FHIT: variants seen among roughly 807,000 people sequenced by gnomAD.
FHIT encodes fragile histidine triad diadenosine triphosphatase.
FHIT carries 19 observed loss-of-function variants against 17.9 expected under a neutral mutation model. The observed-to-expected ratio is 1.06, with a 90% CI of 0.74 to 1.56. The LOEUF (loss-of-function observed/expected upper bound fraction) is 1.56. Among genes scored for constraint, FHIT ranks in the 40% most tolerant of loss-of-function variants. The pLI, the probability that FHIT is intolerant of heterozygous loss-of-function variation, is 0.00. For missense variants in FHIT, 248 were observed against 189.2 expected (o/e 1.31, Z -1.82); for synonymous variants, 81 against 69.7 (o/e 1.16, Z -0.81).
At chr3:60,419,509 T>C (rs1409228138) in intron 5 of FHIT, among the ~76,000 whole-genome samples, 1 of 152,184 alleles carries the variant, frequency 6.6e-6, no homozygotes, top group African/African-American at 2.4e-5. Flanking sequence ...TTTCACTCTG[T>C]TACAAATCAA....
intron 3 of FHIT, among the ~76,000 whole-genome samples, chr3:60,894,897 G>A (rs563739796): frequency 5.0e-4 from 76 of 152,110 alleles, no homozygotes; most frequent in Non-Finnish European, 9.0e-4. Context: ...AAACCATTTC[G>A]GTGTAGGTGT....
chr3:60,047,222 A>C (rs79882162), intron 5 of FHIT, among the ~76,000 whole-genome samples: 3,146 of 152,336 alleles, frequency 0.021, 103 homozygotes, highest in African/African-American at 0.072. Context: ...AGCAGGAAAA[A>C]GAAATTAAAG....
intron 5 of FHIT, among the ~76,000 whole-genome samples, chr3:60,305,112 C>A (rs1481240626): frequency 2.0e-5 from 3 of 151,938 alleles, no homozygotes; most frequent in African/African-American, 7.3e-5. Flanking sequence ...CAAGAAAACA[C>A]AGAATATTCC....
At chr3:61,189,116 T>A (rs190078370) in intron 2 of FHIT, among the ~76,000 whole-genome samples, 13 of 152,290 alleles carry the variant, frequency 8.5e-5, no homozygotes, top group Admixed American at 7.8e-4. Flanking sequence ...TAAAGGGTAT[T>A]GAATTAGGAA....
intron 5 of FHIT, among the ~76,000 whole-genome samples, chr3:60,101,175 A>T (rs1704175667): frequency 6.6e-6 from 1 of 152,214 alleles, no homozygotes; most frequent in Admixed American, 6.5e-5. Context: ...CTTGACACAA[A>T]TGTAAAGCAG....
At chr3:59,949,812 A>G (rs976181212) in intron 7 of FHIT, among the ~76,000 whole-genome samples, 2 of 152,202 alleles carry the variant, frequency 1.3e-5, no homozygotes, top group African/African-American at 4.8e-5. Flanking sequence ...CCTCTAACCT[A>G]TTTCTAGCCT....
intron 5 of FHIT, among the ~76,000 whole-genome samples, chr3:60,375,768 T>C (rs183093474): frequency 5.0e-4 from 76 of 152,134 alleles, no homozygotes; most frequent in South Asian, 2.1e-3. Context: ...TGCTCAGATA[T>C]CATATCTAGG....
At chr3:59,796,223 C>A (rs1699772333) in intron 8 of FHIT, among the ~76,000 whole-genome samples, 1 of 152,180 alleles carries the variant, frequency 6.6e-6, no homozygotes, top group Non-Finnish European at 1.5e-5. Flanking sequence ...CCTTTCATCT[C>A]CTCTAATGGT....
rs116875599 is a variant in FHIT at position 60,542,601 on chromosome 3, T to C, written c.-17-5622A>G. 9.1e-4 allele frequency among the ~76,000 whole-genome samples: 139 copies of C among 152,308 alleles called. 2 individuals are homozygous for C. In the East Asian group the frequency reaches 0.026, roughly 29 times the overall value. On this transcript the variant is annotated intron_variant, in intron 4 of 9. Coordinates refer to ENST00000492590, the MANE Select transcript of FHIT (RefSeq NM_002012.4). ...GCCAATTCATATACTTTGTCCTCTT[T>C]CATATTGCTTTCCTCCCTTCAATTT...
intron 5 of FHIT, among the ~76,000 whole-genome samples, chr3:60,118,217 CT>C (rs1559648083): frequency 6.6e-6 from 1 of 151,986 alleles, no homozygotes; most frequent in African/African-American, 2.4e-5. Flanking sequence ...AGCGATCCTC[CT>C]GCTTCAGCCT....
At chr3:61,068,134 TAC>T (rs992411445) in intron 2 of FHIT, among the ~76,000 whole-genome samples, 2 of 152,208 alleles carry the variant, frequency 1.3e-5, no homozygotes, top group Non-Finnish European at 2.9e-5. Context: ...AGAACAAATT[TAC>T]ACAAACTTTG....
At chr3:59,918,117 A>T (rs952251694) in intron 8 of FHIT, among the ~76,000 whole-genome samples, 34 of 152,214 alleles carry the variant, frequency 2.2e-4, no homozygotes, top group Non-Finnish European at 1.0e-4. Context: ...CAGTGTGGCT[A>T]TGAGTTAGTG....
chr3:60,520,782 A>C (rs2035328552), intron 5 of FHIT, among the ~76,000 whole-genome samples: 2 of 152,130 alleles, frequency 1.3e-5, no homozygotes, highest in Non-Finnish European at 2.9e-5. Flanking sequence ...TTGAGCATCT[A>C]GACTCATCTA....
At chr3:61,049,121 A>C (rs1575914514) in intron 2 of FHIT, among the ~76,000 whole-genome samples, 1 of 152,044 alleles carries the variant, frequency 6.6e-6, no homozygotes, top group South Asian at 2.1e-4. Context: ...AACTTAAAGC[A>C]TAATTAAAAT....
At chr3:60,595,539 A>ATG (rs2038237746) in intron 4 of FHIT, among the ~76,000 whole-genome samples, 2 of 149,626 alleles carry the variant, frequency 1.3e-5, no homozygotes, top group Non-Finnish European at 3.0e-5. Flanking sequence ...ACACATATAT[A>ATG]TGTGTGTGTA....
At chr3:60,432,672 C>T (rs1265187147) in intron 5 of FHIT, among the ~76,000 whole-genome samples, 1 of 152,088 alleles carries the variant, frequency 6.6e-6, no homozygotes, top group African/African-American at 2.4e-5. Context: ...TCCTTAAAAA[C>T]TGTTTATGAA....
chr3:60,770,273 GA>G (rs35681055), intron 4 of FHIT, among the ~76,000 whole-genome samples: 5,607 of 142,246 alleles, frequency 0.039, 122 homozygotes, highest in South Asian at 0.071. Flanking sequence ...GAAACATGGA[GA>G]AAAAAAAAAA....
chr3:59,988,544 C>G (rs186941969), intron 7 of FHIT, among the ~76,000 whole-genome samples: 59 of 152,172 alleles, frequency 3.9e-4, no homozygotes, highest in African/African-American at 9.9e-4. Context: ...TTTATTCACT[C>G]AGGTATTTTC....
chr3:60,015,896 T>G (rs1012006708), intron 5 of FHIT, among the ~76,000 whole-genome samples: 2 of 152,242 alleles, frequency 1.3e-5, no homozygotes, highest in Admixed American at 1.3e-4. Context: ...CAATTTTGCT[T>G]GTTTGCATGT....
Sources: gnomAD v4.1 joint callset for allele counts (sites outside exome capture counted in the v4.1 genomes callset) on GRCh38, gnomAD v4.1.1 for gene constraint, MANE v1.5 for transcripts, NCBI Gene and HGNC (gene_info 2026-07-23, HGNC 2026-07-21) for gene names.